The following RSPO4 variants were observed in gnomAD, a reference collection of about 807,000 sequenced individuals.
The protein encoded by RSPO4 is R-spondin 4.
In RSPO4, 23 loss-of-function variants were observed where a neutral mutation model predicts 24.8. The observed-to-expected ratio is 0.93, with a 90% CI of 0.67 to 1.31. RSPO4 has a LOEUF of 1.31. RSPO4 is among the 40% of genes most tolerant of loss of function. The probability of loss-of-function intolerance (pLI) is 0.00; values close to 1 mark genes in which losing one functional copy is unlikely to be tolerated. For missense variants in RSPO4, 333 were observed against 316.5 expected, an observed-to-expected ratio of 1.05 and a Z score of -0.39; for synonymous variants, 141 against 127.4, an observed-to-expected ratio of 1.11 and a Z score of -0.72.
At chr20:967,371 TG>T in intron 2 of RSPO4, 57 bp from the exon 3 acceptor site, 1 of 1,597,890 alleles carries the variant, frequency 6.3e-7, no homozygotes. Context: ...TGGGGCCCAC[TG>T]GGTCTGCCCG....
intron 1 of RSPO4, among the ~76,000 whole-genome samples, chr20:999,411 T>C (rs1985394675): frequency 6.6e-6 from 1 of 152,106 alleles, no homozygotes; most frequent in South Asian, 2.1e-4. Context: ...TGACCAGAAC[T>C]CCTGTGGCTG....
At position 964,063 on chromosome 20, in the gene RSPO4, G is replaced by GT; in HGVS notation, c.466dup (p.Thr156AsnfsTer21). On this transcript the variant is annotated frameshift_variant, in exon 4 of 5. Coordinates refer to ENST00000217260, the MANE Select transcript of RSPO4 (RefSeq NM_001029871.4). LOFTEE classifies it high-confidence loss of function. Reference sequence around the variant, plus strand: ...CTCCAGGCCCCAAGCCGAGCCGCAGGTCTTTCCATTGTGTGTGCAGGGGCT... The same window carrying GT: ...CTCCAGGCCCCAAGCCGAGCCGCAGGTTCTTTCCATTGTGTGTGCAGGGGCT... 6.2e-7 allele frequency: 1 copy of GT among 1,613,820 alleles called. No homozygotes were observed. The highest frequency in any genetic ancestry group is 8.5e-7 in the Non-Finnish European group (1 of 1,180,026).
chr20:969,523 C>A (rs909520473), intron 1 of RSPO4, among the ~76,000 whole-genome samples: 2 of 152,196 alleles, frequency 1.3e-5, no homozygotes, highest in South Asian at 2.1e-4. Context: ...CCTTCCCATT[C>A]CTCTTTGAAC....
In RSPO4 at chr20:986,637, C is replaced by T. The variant is rs140014349; in HGVS notation, c.79+15449G>A. On this transcript the variant is annotated intron_variant, in intron 1 of 4. Coordinates refer to ENST00000217260, the MANE Select transcript of RSPO4 (RefSeq NM_001029871.4). Reference sequence around the variant, plus strand: ...TATTAAGGATTGGAGTTTAAAAATACGACTGTGCATTGGGGGTGGGGGGTG... The same window carrying T: ...TATTAAGGATTGGAGTTTAAAAATATGACTGTGCATTGGGGGTGGGGGGTG... Among the ~76,000 whole-genome samples, 751 of 122,698 alleles carry T rather than the reference C, an allele frequency of 6.1e-3. 5 individuals are homozygous for T. Among genetic ancestry groups the T allele is most frequent in the African/African-American group, 0.023 (709 of 31,068 alleles). The allele number at this position is 122,698 out of a possible 152,430, so 80.5% of individuals were successfully genotyped here. A position where few individuals can be genotyped will look rare whatever the true frequency, so the allele number is the denominator to read the frequency against.
chr20:966,894 C>G (rs1019059349), intron 3 of RSPO4, among the ~76,000 whole-genome samples: 1 of 152,194 alleles, frequency 6.6e-6, no homozygotes, highest in Admixed American at 6.5e-5. Flanking sequence ...AACAAATAAA[C>G]ATCAGCGCTC....
At chr20:984,394 G>A (rs2084026423) in intron 1 of RSPO4, among the ~76,000 whole-genome samples, 1 of 152,144 alleles carries the variant, frequency 6.6e-6, no homozygotes, top group Non-Finnish European at 1.5e-5. Context: ...AAGACTTGGG[G>A]CCCCACTGCC....
In RSPO4 at chr20:960,169, G is replaced by A. The variant is rs1983938592; in HGVS notation, c.*188C>T. 1 of 593,908 alleles carries A rather than the reference G, an allele frequency of 1.7e-6. No individual in the cohort carries two copies. Among genetic ancestry groups the A allele is most frequent in the East Asian group, 2.8e-5 (1 of 35,990 alleles). The allele number at this position is 593,908 out of a possible 1,614,324, so 36.8% of individuals were successfully genotyped here. Reference sequence around the variant, plus strand: ...AAAGGAGAGGAGAATGGAGGTGGAAGAAATAAAGGAAATAAAAAAGAAAAA... The same window carrying A: ...AAAGGAGAGGAGAATGGAGGTGGAAAAAATAAAGGAAATAAAAAAGAAAAA... On this transcript the variant is annotated 3_prime_UTR_variant, in exon 5 of 5. Transcript: ENST00000217260.
At position 981,353 on chromosome 20, in the gene RSPO4, C is replaced by T. The variant is rs904447892; in HGVS notation, c.80-13215G>A. On this transcript the variant is annotated intron_variant, in intron 1 of 4. Transcript: ENST00000217260. This position sits in a 1 kb window ranked among gnomAD's most constrained non-coding sequence, Gnocchi z 4.6. ...CAGCCTGGCCAACATGGCAAAACCC[C>T]GTCTCTACTAAAAATACAAAAATCA... Among the ~76,000 whole-genome samples the T allele has an allele frequency of 7.9e-5, 12 of 152,166 alleles. No individual in the cohort carries two copies. The South Asian group carries it at 2.3e-3, about 29-fold the overall frequency.
rs766465255 is a variant in RSPO4 at position 968,012 on chromosome 20, C to A, written c.206G>T (p.Cys69Phe). The change falls in exon 2 of 5, where the codon TGC becomes TTC. Residue 69 changes from cysteine (C) to phenylalanine (F), a missense_variant. Transcript: ENST00000217260. Reference protein sequence around the residue: ...RREGIRQYGKCLHDCPPGYFG... With the variant: ...RREGIRQYGKFLHDCPPGYFG... ...GTACCCAGGGGGACAGTCGTGCAGG[C>A]ACTTGCCGTACTGGCGGATGCCTTC... is the stretch of plus-strand genomic sequence containing the variant. 1 of 1,614,254 alleles carries A rather than the reference C, an allele frequency of 6.2e-7. No homozygotes were observed. Among genetic ancestry groups the A allele is most frequent in the Non-Finnish European group, 8.5e-7 (1 of 1,180,044 alleles).
At chr20:964,793 T>TACAC (rs1320914818) in intron 3 of RSPO4, among the ~76,000 whole-genome samples, 80 of 104,050 alleles carry the variant, frequency 7.7e-4, no homozygotes, top group African/African-American at 5.0e-3. Context: ...TATATACACA[T>TACAC]ATATACACAC....
Position 973,664 on chromosome 20 carries a change from C to T in RSPO4, c.80-5526G>A, listed in dbSNP as rs138707189. Among the ~76,000 whole-genome samples the T allele has an allele frequency of 8.3e-3, 1,260 of 152,174 alleles. 15 individuals carry two copies. The highest frequency in any genetic ancestry group is 0.011 in the Non-Finnish European group (758 of 67,996). ...AATTTTTTTGTATTTTTAGTAGAGA[C>T]GGGGTTTCGCCATGTTGGCCAGGCT... is the stretch of plus-strand genomic sequence containing the variant. On this transcript the variant is annotated intron_variant, in intron 1 of 4. Coordinates refer to ENST00000217260, the MANE Select transcript of RSPO4 (RefSeq NM_001029871.4).
At chr20:985,555 T>G (rs1284569615) in intron 1 of RSPO4, among the ~76,000 whole-genome samples, 2 of 152,236 alleles carry the variant, frequency 1.3e-5, no homozygotes, top group Non-Finnish European at 2.9e-5. Context: ...GTCTACTAGG[T>G]GCTCTGTAAA....
chr20:990,623 G>A (rs1186907389), intron 1 of RSPO4, among the ~76,000 whole-genome samples: 1 of 151,848 alleles, frequency 6.6e-6, no homozygotes, highest in Non-Finnish European at 1.5e-5. Flanking sequence ...GCAAGAGAAT[G>A]AGATGATCCA....
chr20:975,961 A>T lies in RSPO4; in HGVS notation c.80-7823T>A, dbSNP rs141592264. ...GATAAACTGAAGCTACCATTATTAT[A>T]TTGAGAATGATGTGTTTTCTGCCCT... On this transcript the variant is annotated intron_variant, in intron 1 of 4. Transcript: ENST00000217260. Among the ~76,000 whole-genome samples, 625 of 152,278 alleles carry T rather than the reference A, an allele frequency of 4.1e-3. 3 individuals are homozygous for T. Among genetic ancestry groups the T allele is most frequent in the Non-Finnish European group, 7.3e-3 (495 of 68,022 alleles).
In RSPO4 at chr20:959,524, C is replaced by G. The variant is rs1221261385; in HGVS notation, c.*833G>C. On this transcript the variant is annotated 3_prime_UTR_variant, in exon 5 of 5. Coordinates refer to ENST00000217260, the MANE Select transcript of RSPO4 (RefSeq NM_001029871.4). ...GGGCAGGTGGATCCCCCAGCAGTGA[C>G]AGCTCACCTGATCCGGCTTGGGAAA... 2 of 152,478 alleles carry G rather than the reference C, an allele frequency of 1.3e-5. No individual in the cohort carries two copies. The allele number at this position is 152,478 out of a possible 1,614,324, so 9.4% of individuals were successfully genotyped here. A position where few individuals can be genotyped will look rare whatever the true frequency, so the allele number is the denominator to read the frequency against.
At chr20:994,333 T>C (rs1478630273) in intron 1 of RSPO4, among the ~76,000 whole-genome samples, 2 of 152,212 alleles carry the variant, frequency 1.3e-5, no homozygotes, top group African/African-American at 4.8e-5. Context: ...ATGGTGCCTA[T>C]AGCCCAAGAC....
chr20:962,705 C>T (rs1191957256), intron 4 of RSPO4, among the ~76,000 whole-genome samples: 1 of 152,198 alleles, frequency 6.6e-6, no homozygotes, highest in African/African-American at 2.4e-5. Flanking sequence ...AGAGGAGTGT[C>T]CCTGAGTTCA....
At chr20:964,272 G>A in intron 3 of RSPO4, 152 bp from the exon 4 acceptor site, 2 of 644,090 alleles carry the variant, frequency 3.1e-6, no homozygotes, top group Non-Finnish European at 5.3e-6. Flanking sequence ...ATTTATAAGA[G>A]CCTGGAATGA....
intron 4 of RSPO4, among the ~76,000 whole-genome samples, chr20:962,315 G>A (rs1258613103): frequency 6.6e-6 from 1 of 152,206 alleles, no homozygotes; most frequent in African/African-American, 2.4e-5. Flanking sequence ...GCCAAGACCT[G>A]GGTGATGCAG....
Sources: gnomAD v4.1 joint callset for allele counts (sites outside exome capture counted in the v4.1 genomes callset) on GRCh38, gnomAD v4.1.1 for gene constraint, Gnocchi (gnomAD v3.1) non-coding constraint, MANE v1.5 for transcripts, NCBI Gene and HGNC (gene_info 2026-07-23, HGNC 2026-07-21) for gene names.